KRABD2: variants seen among roughly 807,000 people sequenced by gnomAD.
The protein encoded by KRABD2 is KRAB domain containing 2, also known as KRAB domain-containing protein 2.
At chr17:8,367,616 T>C in the KRABD2 span, among the ~76,000 whole-genome samples, 1 of 150,940 alleles carries the variant, frequency 6.6e-6, no homozygotes, top group Non-Finnish European at 1.5e-5. Context: ...TGAGCCCAGA[T>C]TGTGCCACTG....
At chr17:8,376,120 G>A in the KRABD2 span, 9 of 1,231,454 alleles carry the variant, frequency 7.3e-6, no homozygotes, top group Non-Finnish European at 9.1e-6. Context: ...AGGTAGGGAC[G>A]GAGGCTTCTA....
At chr17:8,366,726 C>CT in the KRABD2 span, among the ~76,000 whole-genome samples, 82 of 147,828 alleles carry the variant, frequency 5.5e-4, no homozygotes, top group Admixed American at 2.2e-3. Flanking sequence ...CCTTCATCTA[C>CT]TTTTTTTTTT....
chr17:8,369,295 C>T, the KRABD2 span: 1 of 1,614,144 alleles, frequency 6.2e-7, no homozygotes, highest in African/African-American at 1.3e-5. Flanking sequence ...TCAGCAATTT[C>T]TAGCTCTTCT....
the KRABD2 span, chr17:8,369,458 G>T: frequency 6.2e-7 from 1 of 1,614,092 alleles, no homozygotes; most frequent in Non-Finnish European, 8.5e-7. Flanking sequence ...GGAGGCCTTT[G>T]GCCCAGTGAC....
the KRABD2 span, chr17:8,369,017 G>A: frequency 2.2e-5 from 32 of 1,453,292 alleles, no homozygotes; most frequent in East Asian, 6.3e-4. Context: ...GGACTGCCAT[G>A]TACAACTTGA....
chr17:8,375,778 A>G, the KRABD2 span: 2 of 623,166 alleles, frequency 3.2e-6, no homozygotes, highest in Non-Finnish European at 4.4e-6. Context: ...AGCAACATGA[A>G]AGAAATGTGA....
At chr17:8,376,210 G>A in the KRABD2 span, 14 of 1,231,242 alleles carry the variant, frequency 1.1e-5, no homozygotes, top group African/African-American at 1.9e-4. Flanking sequence ...TGTCAAAAAT[G>A]TCGCTTACAG....
chr17:8,376,315 G>C, the KRABD2 span: 2 of 1,222,188 alleles, frequency 1.6e-6, no homozygotes, highest in Admixed American at 4.3e-5. Flanking sequence ...CTAAAGCAAA[G>C]TTACTGAGGC....
the KRABD2 span, among the ~76,000 whole-genome samples, chr17:8,373,057 T>G: frequency 6.6e-6 from 1 of 152,244 alleles, no homozygotes; most frequent in Non-Finnish European, 1.5e-5. Flanking sequence ...ATAGACCTAT[T>G]TTGGTTGGTC....
the KRABD2 span, chr17:8,369,110 A>G: frequency 1.3e-6 from 2 of 1,590,640 alleles, no homozygotes; most frequent in Admixed American, 3.6e-5. Context: ...GACACCTGTG[A>G]CTGTCCACCC....
At chr17:8,370,362 A>G in the KRABD2 span, 4 of 1,584,346 alleles carry the variant, frequency 2.5e-6, no homozygotes, top group Non-Finnish European at 3.4e-6. Flanking sequence ...TCTCTGAGGC[A>G]TCATGGAGAG....
the KRABD2 span, among the ~76,000 whole-genome samples, chr17:8,361,974 A>T: frequency 6.6e-6 from 1 of 152,212 alleles, no homozygotes; most frequent in African/African-American, 2.4e-5. Context: ...TAATACACCT[A>T]TTTAAACTCA....
the KRABD2 span, chr17:8,369,217 C>A: frequency 6.2e-7 from 1 of 1,614,206 alleles, no homozygotes; most frequent in South Asian, 1.1e-5. Flanking sequence ...TCGTCCATAT[C>A]AGATCTGTCT....
At chr17:8,369,189 G>C in the KRABD2 span, 1 of 1,614,132 alleles carries the variant, frequency 6.2e-7, no homozygotes, top group South Asian at 1.1e-5. Context: ...TGAAGCTTCA[G>C]GAGTGGGATC....
the KRABD2 span, chr17:8,369,426 T>C: frequency 6.2e-7 from 1 of 1,614,130 alleles, no homozygotes; most frequent in Non-Finnish European, 8.5e-7. Context: ...GAAAGCCTGA[T>C]TCCTCACCAT....
At chr17:8,376,520 T>A in the KRABD2 span, 1 of 991,498 alleles carries the variant, frequency 1.0e-6, no homozygotes, top group Non-Finnish European at 1.2e-6. Context: ...CTACCCTGAC[T>A]TCGCAGACTG....
At chr17:8,365,924 G>C in the KRABD2 span, among the ~76,000 whole-genome samples, 1 of 151,996 alleles carries the variant, frequency 6.6e-6, no homozygotes, top group Non-Finnish European at 1.5e-5. Context: ...TCAGGCATTC[G>C]AGACCAGCCT....
chr17:8,360,610 T>C, the KRABD2 span, among the ~76,000 whole-genome samples: 1 of 152,228 alleles, frequency 6.6e-6, no homozygotes, highest in Non-Finnish European at 1.5e-5. Flanking sequence ...AGGGACAAGC[T>C]TGTTTTGCCA....
the KRABD2 span, among the ~76,000 whole-genome samples, chr17:8,359,173 A>G: frequency 6.6e-6 from 1 of 152,208 alleles, no homozygotes; most frequent in African/African-American, 2.4e-5. Flanking sequence ...AGATTCAAGT[A>G]GCGCATCTGT....
Sources: gnomAD v4.1 joint callset for allele counts (sites outside exome capture counted in the v4.1 genomes callset) on GRCh38, gnomAD v4.1.1 for gene constraint, MANE v1.5 for transcripts, NCBI Gene and HGNC (gene_info 2026-07-23, HGNC 2026-07-21) for gene names.